The following SIPA1L3 variants were observed in gnomAD, a reference collection of about 807,000 sequenced individuals.
SIPA1L3 encodes the protein signal-induced proliferation-associated 1-like protein 3.
Under a neutral mutation model 150.1 loss-of-function variants are expected in SIPA1L3, and 59 were observed. The observed-to-expected ratio is 0.39, with a 90% confidence interval of 0.32 to 0.49. The LOEUF is 0.49. Ranked by LOEUF, SIPA1L3 falls within the 20% of genes least tolerant of loss-of-function variation. The probability of loss-of-function intolerance (pLI) is 0.86; values close to 1 mark genes in which losing one functional copy is unlikely to be tolerated. For synonymous variants in SIPA1L3, 1,070 were observed against 1,077.6 expected, an observed-to-expected ratio of 0.99 and a Z score of 0.14; for missense variants, 2,211 against 2,489.5, an observed-to-expected ratio of 0.89 and a Z score of 2.38.
chr19:38,071,004 A>G (rs1295036798), intron 2 of SIPA1L3, among the ~76,000 whole-genome samples: 2 of 152,146 alleles, frequency 1.3e-5, no homozygotes, highest in Non-Finnish European at 2.9e-5. Flanking sequence ...GGCCTGTGAA[A>G]GGACAGCCCA....
chr19:38,086,272 T>C (rs1344385851), intron 3 of SIPA1L3, among the ~76,000 whole-genome samples: 2 of 151,984 alleles, frequency 1.3e-5, no homozygotes, highest in African/African-American at 2.4e-5. Context: ...TCAAATAAGA[T>C]TATACATTAA....
At chr19:37,949,922 C>CA in intron 1 of SIPA1L3, among the ~76,000 whole-genome samples, 1 of 151,358 alleles carries the variant, frequency 6.6e-6, no homozygotes, top group Non-Finnish European at 1.5e-5. Flanking sequence ...ACTAAAAATA[C>CA]AAAAATTACC....
At chr19:38,197,872 A>G (rs894303011) in intron 18 of SIPA1L3, among the ~76,000 whole-genome samples, 6 of 117,570 alleles carry the variant, frequency 5.1e-5, no homozygotes, top group African/African-American at 2.3e-4. Context: ...CTCCCCCCAA[A>G]TCCCCCCCCA....
intron 1 of SIPA1L3, among the ~76,000 whole-genome samples, chr19:37,930,320 G>T (rs1450510038): frequency 6.7e-6 from 1 of 149,526 alleles, no homozygotes; most frequent in Non-Finnish European, 1.5e-5. Context: ...CCCATGCCTG[G>T]CTAATTTTTT....
chr19:38,206,196 C>G lies in SIPA1L3; in HGVS notation c.5302C>G (p.Arg1768Gly). ...GTCGCAGGCCGCCAGCGAGCAGCTG[C>G]GCAAGTTTGCGGAGATCTTCTGCAG... Reference protein sequence around the residue: ...EESQAASEQLRKFAEIFCREK... With the variant: ...EESQAASEQLGKFAEIFCREK... Residue 1768 changes from arginine to glycine, a missense_variant, in exon 22 of 22, where the codon CGC becomes GGC. Around this residue, in one of 5 missense-constraint regions of SIPA1L3, gnomAD observed 63 missense variants for 106.1 expected, o/e 0.59. Coordinates refer to ENST00000222345, the MANE Select transcript of SIPA1L3 (RefSeq NM_015073.3). 6.4e-7 allele frequency: 1 copy of G among 1,560,564 alleles called. No individual in the cohort carries two copies. Among genetic ancestry groups the G allele is most frequent in the Non-Finnish European group, 8.7e-7 (1 of 1,152,326 alleles).
At chr19:37,931,889 C>T (rs1184570878) in intron 1 of SIPA1L3, among the ~76,000 whole-genome samples, 3 of 152,202 alleles carry the variant, frequency 2.0e-5, no homozygotes, top group Admixed American at 6.5e-5. Flanking sequence ...TTGAACTTCT[C>T]ATCTGTAAAA....
intron 2 of SIPA1L3, 139 bp downstream of exon 2, chr19:38,029,295 C>T (rs546158169): frequency 5.3e-5 from 8 of 152,292 alleles, no homozygotes; most frequent in South Asian, 2.1e-4. Context: ...GCAAGCCTAA[C>T]GTCTACCCCA....
At chr19:38,198,979 A>G (rs1048009033) in intron 19 of SIPA1L3, among the ~76,000 whole-genome samples, 3 of 152,190 alleles carry the variant, frequency 2.0e-5, no homozygotes, top group African/African-American at 7.2e-5. Context: ...GGGAAAAAAA[A>G]AATCTGTCCC....
intron 9 of SIPA1L3, among the ~76,000 whole-genome samples, chr19:38,121,110 G>A (rs1351880278): frequency 6.6e-6 from 1 of 152,094 alleles, no homozygotes; most frequent in Non-Finnish European, 1.5e-5. Flanking sequence ...GGGAGGCCGA[G>A]GAGAAAGGAT....
At chr19:37,977,937 G>C (rs1293928032) in intron 1 of SIPA1L3, among the ~76,000 whole-genome samples, 1 of 152,228 alleles carries the variant, frequency 6.6e-6, no homozygotes, top group African/African-American at 2.4e-5. Flanking sequence ...ACACAGGGAA[G>C]TGCAAGAGTT....
At chr19:37,970,134 A>G (rs1329652029) in intron 1 of SIPA1L3, among the ~76,000 whole-genome samples, 1 of 152,238 alleles carries the variant, frequency 6.6e-6, no homozygotes, top group Non-Finnish European at 1.5e-5. Flanking sequence ...ATTGGACTAG[A>G]GCAGGGAACA....
intron 2 of SIPA1L3, among the ~76,000 whole-genome samples, chr19:38,059,530 T>G: frequency 6.6e-6 from 1 of 152,128 alleles, no homozygotes; most frequent in East Asian, 1.9e-4. Context: ...TAAAATACAT[T>G]TGTATACATT....
chr19:37,974,113 A>G (rs979620209), intron 1 of SIPA1L3, among the ~76,000 whole-genome samples: 1 of 152,126 alleles, frequency 6.6e-6, no homozygotes, highest in Admixed American at 6.5e-5. Flanking sequence ...GACTTTATTG[A>G]GCACTTCCTG....
chr19:38,093,117 C>G (rs1600057316), intron 4 of SIPA1L3, among the ~76,000 whole-genome samples: 2 of 152,244 alleles, frequency 1.3e-5, no homozygotes, highest in Admixed American at 1.3e-4. Flanking sequence ...CCTCAGCCTC[C>G]CAAAGTGCCG....
chr19:38,055,956 A>G (rs1320934559), intron 2 of SIPA1L3, among the ~76,000 whole-genome samples: 1 of 152,220 alleles, frequency 6.6e-6, no homozygotes, highest in African/African-American at 2.4e-5. Flanking sequence ...GAACTAGCCG[A>G]TTGACTGCCA....
intron 20 of SIPA1L3, 133 bp downstream of exon 20, chr19:38,202,130 T>C: frequency 1.3e-6 from 1 of 791,030 alleles, no homozygotes; most frequent in Non-Finnish European, 1.9e-6. Flanking sequence ...TAGCAGCTAC[T>C]CCCCCCTCCT....
chr19:37,948,761 T>G (rs889462397), intron 1 of SIPA1L3, among the ~76,000 whole-genome samples: 7 of 151,984 alleles, frequency 4.6e-5, no homozygotes, highest in Admixed American at 4.6e-4. Context: ...TGTTATGTAG[T>G]GAGAAGTGCT....
intron 15 of SIPA1L3, among the ~76,000 whole-genome samples, chr19:38,172,063 G>T (rs1007435796): frequency 2.6e-5 from 4 of 152,188 alleles, no homozygotes; most frequent in Admixed American, 2.0e-4. Flanking sequence ...TATGGTGCTG[G>T]CAGCGAGACA....
At chr19:37,993,444 G>A (rs1485263957) in intron 1 of SIPA1L3, among the ~76,000 whole-genome samples, 1 of 152,166 alleles carries the variant, frequency 6.6e-6, no homozygotes, top group Non-Finnish European at 1.5e-5. Flanking sequence ...CGATTCTCTT[G>A]CCTCAGCCTC....
Sources: allele counts gnomAD v4.1 joint callset (sites outside exome capture counted in the v4.1 genomes callset), GRCh38; gene constraint gnomAD v4.1.1; regional missense constraint gnomAD v4.1.1; transcripts MANE v1.5; gene names NCBI Gene and HGNC (gene_info 2026-07-23, HGNC 2026-07-21).